GLIS3: variants seen among roughly 807,000 people sequenced by gnomAD.
GLIS3 encodes GLIS family zinc finger 3.
Under a neutral mutation model 78.6 loss-of-function variants are expected in GLIS3, and 53 were observed. The observed-to-expected ratio is 0.67, with a 90% CI of 0.54 to 0.85. The LOEUF is 0.85. Among genes scored for constraint, GLIS3 ranks in the 40% least tolerant of loss-of-function variants. The pLI is 0.00. For synonymous variants in GLIS3, 684 were observed against 509.9 expected (o/e 1.34, Z -4.60); for missense variants, 1,703 against 1,231.1 (o/e 1.38, Z -5.74).
At chr9:4,200,639 G>A (rs761253583) in intron 2 of GLIS3, among the ~76,000 whole-genome samples, 3 of 151,762 alleles carry the variant, frequency 2.0e-5, no homozygotes, top group Non-Finnish European at 2.9e-5. Context: ...GACCAATATC[G>A]AGTTCCAAAA....
chr9:4,429,546 C>T, the GLIS3 span, among the ~76,000 whole-genome samples: 1 of 152,144 alleles, frequency 6.6e-6, no homozygotes, highest in African/African-American at 2.4e-5. Flanking sequence ...TGTTAAGAAT[C>T]TTGTCACATG....
chr9:4,474,894 G>T, the GLIS3 span, among the ~76,000 whole-genome samples: 1 of 151,378 alleles, frequency 6.6e-6, no homozygotes, highest in African/African-American at 2.4e-5. Context: ...CAGAGACGGG[G>T]GCTCCCTATG....
chr9:4,319,058 A>G (rs1344695359), intron 2 of GLIS3, among the ~76,000 whole-genome samples: 1 of 152,214 alleles, frequency 6.6e-6, no homozygotes, highest in Non-Finnish European at 1.5e-5. Context: ...ACTCTTCAAA[A>G]ATGTCAATGT....
intron 2 of GLIS3, among the ~76,000 whole-genome samples, chr9:4,159,852 A>T (rs1435618244): frequency 6.6e-6 from 1 of 152,228 alleles, no homozygotes; most frequent in Non-Finnish European, 1.5e-5. Context: ...GCCAGGAGTT[A>T]AGACGGCAAG....
intron 2 of GLIS3, among the ~76,000 whole-genome samples, chr9:4,131,393 A>T (rs972286353): frequency 2.0e-5 from 3 of 152,104 alleles, no homozygotes; most frequent in African/African-American, 7.2e-5. Flanking sequence ...TCCCCACCCA[A>T]ATCTCATGTT....
chr9:4,202,152 CTTTTTT>C (rs71324286), intron 2 of GLIS3, among the ~76,000 whole-genome samples: 8 of 125,442 alleles, frequency 6.4e-5, no homozygotes, highest in Non-Finnish European at 1.6e-5. Context: ...CCCCCTTTTT[CTTTTTT>C]TTTTTTTTTT....
chr9:3,899,574 C>T (rs933062551), intron 6 of GLIS3, among the ~76,000 whole-genome samples: 6 of 151,658 alleles, frequency 4.0e-5, no homozygotes, highest in African/African-American at 7.3e-5. Flanking sequence ...TAACGTTCTG[C>T]TTGTACAAAA....
At chr9:4,475,583 T>C in the GLIS3 span, among the ~76,000 whole-genome samples, 1 of 152,176 alleles carries the variant, frequency 6.6e-6, no homozygotes, top group African/African-American at 2.4e-5. Context: ...TCAGGAAGAT[T>C]TCTTTATAAT....
rs568069761 is a variant in GLIS3, at chr9:3,937,198, A to C, written c.1711-9T>G. The C allele has an allele frequency of 2.5e-6, 4 of 1,614,150 alleles. No homozygotes were observed. In the East Asian group the frequency reaches 8.9e-5, roughly 36 times the overall value. On this transcript the variant is annotated splice_polypyrimidine_tract_variant and intron_variant, in intron 4 of 10. Transcript: ENST00000381971. ...TTCTCGCAACCTTCAAACTGCAAAAAGAAAACAATTTTTGGTGGTTGAGAA... is the reference window on the plus strand; with the variant it reads ...TTCTCGCAACCTTCAAACTGCAAAACGAAAACAATTTTTGGTGGTTGAGAA...
At chr9:4,192,121 A>G (rs1321796495) in intron 2 of GLIS3, among the ~76,000 whole-genome samples, 1 of 152,202 alleles carries the variant, frequency 6.6e-6, no homozygotes, top group East Asian at 1.9e-4. Flanking sequence ...TAGAACAAAA[A>G]TAGTAAAGAA....
At chr9:4,284,540 T>C (rs891049920) in intron 2 of GLIS3, among the ~76,000 whole-genome samples, 3 of 151,906 alleles carry the variant, frequency 2.0e-5, no homozygotes, top group Non-Finnish European at 2.9e-5. Context: ...CCTATACTTA[T>C]GCTAAATATC....
At chr9:4,025,096 C>G (rs1823217819) in intron 4 of GLIS3, among the ~76,000 whole-genome samples, 2 of 151,838 alleles carry the variant, frequency 1.3e-5, no homozygotes. Context: ...ACTAAAAATA[C>G]AAAAAATTAG....
At chr9:4,432,618 A>T in the GLIS3 span, among the ~76,000 whole-genome samples, 92 of 151,532 alleles carry the variant, frequency 6.1e-4, no homozygotes, top group African/African-American at 2.1e-3. Flanking sequence ...TTTGAAAAAC[A>T]GACTATATTT....
intron 2 of GLIS3, among the ~76,000 whole-genome samples, chr9:4,216,149 T>C (rs1820807932): frequency 6.6e-6 from 1 of 152,036 alleles, no homozygotes; most frequent in Non-Finnish European, 1.5e-5. Context: ...TTTTATTCCT[T>C]AGTTCTAAAT....
chr9:4,421,758 T>C, the GLIS3 span, among the ~76,000 whole-genome samples: 1 of 152,298 alleles, frequency 6.6e-6, no homozygotes, highest in African/African-American at 2.4e-5. Context: ...TTCACAAATA[T>C]GTAAAGAGTA....
intron 4 of GLIS3, among the ~76,000 whole-genome samples, chr9:4,024,489 C>T (rs1303881143): frequency 1.3e-5 from 2 of 152,100 alleles, no homozygotes; most frequent in African/African-American, 2.4e-5. Context: ...CTCCATGTGG[C>T]CACTGCTTAA....
intron 4 of GLIS3, among the ~76,000 whole-genome samples, chr9:3,962,083 G>T (rs1296196221): frequency 6.6e-6 from 1 of 152,030 alleles, no homozygotes; most frequent in Non-Finnish European, 1.5e-5. Context: ...AGTCAAGTGT[G>T]GTGGTGCACA....
intron 4 of GLIS3, among the ~76,000 whole-genome samples, chr9:4,033,887 A>AT (rs1824083773): frequency 6.7e-6 from 1 of 149,904 alleles, no homozygotes; most frequent in Non-Finnish European, 1.5e-5. Flanking sequence ...AAAAAAAAAA[A>AT]AAACTAGAAT....
At chr9:4,235,160 G>A (rs951557294) in intron 2 of GLIS3, among the ~76,000 whole-genome samples, 38 of 152,046 alleles carry the variant, frequency 2.5e-4, no homozygotes, top group African/African-American at 8.7e-4. Flanking sequence ...ATCGCTGGGC[G>A]TGGTGGCACC....
Sources: gnomAD v4.1 joint callset for allele counts (sites outside exome capture counted in the v4.1 genomes callset) on GRCh38, gnomAD v4.1.1 for gene constraint, MANE v1.5 for transcripts, NCBI Gene and HGNC (gene_info 2026-07-23, HGNC 2026-07-21) for gene names.